The following RP1 variants were observed in gnomAD, a reference collection of about 807,000 sequenced individuals.
RP1 encodes RP1 axonemal microtubule associated, also known as oxygen-regulated protein 1.
In RP1, 16 loss-of-function variants were observed where a neutral mutation model predicts 14.8. The ratio of observed to expected loss-of-function variants is 1.08; its 90% CI spans 0.73 to 1.65. The LOEUF (loss-of-function observed/expected upper bound fraction) is 1.65. Among genes scored for constraint, RP1 ranks in the 40% most tolerant of loss-of-function variants. The pLI, the probability that RP1 is intolerant of heterozygous loss-of-function variation, is 0.00. For synonymous variants in RP1, 876 were observed against 883.6 expected (o/e 0.99, Z 0.15); for missense variants, 2,631 against 2,535.0 (o/e 1.04, Z -0.81).
At chr8:54,739,135 C>A in intron 19 of RP1, 1 of 673,594 alleles carries the variant, frequency 1.5e-6, no homozygotes, top group South Asian at 2.7e-5. Flanking sequence ...ACAGATGCTC[C>A]TTGACTTACA....
intron 18 of RP1, chr8:54,738,884 T>A (rs1471820906): frequency 2.6e-6 from 3 of 1,155,358 alleles, no homozygotes; most frequent in Non-Finnish European, 3.5e-6. Context: ...GAAAGAATTT[T>A]TTAATGTGCT....
chr8:54,622,907 A>G (rs921767797), intron 3 of RP1, among the ~76,000 whole-genome samples: 5 of 152,230 alleles, frequency 3.3e-5, no homozygotes, highest in African/African-American at 1.2e-4. Flanking sequence ...GGGATGTGGG[A>G]TAAGCTGTAA....
At chr8:54,684,485 C>T (rs1807510231) in intron 12 of RP1, among the ~76,000 whole-genome samples, 1 of 152,122 alleles carries the variant, frequency 6.6e-6, no homozygotes, top group Non-Finnish European at 1.5e-5. Flanking sequence ...GCCTCAATTT[C>T]AGAACTCCTT....
intron 28 of RP1, chr8:54,865,959 G>T: frequency 2.2e-6 from 2 of 892,270 alleles, no homozygotes; most frequent in South Asian, 5.7e-5. Flanking sequence ...TGCTCTCTTT[G>T]TCCAATTTAT....
At chr8:54,638,453 AC>A (rs1481633228) in intron 3 of RP1, among the ~76,000 whole-genome samples, 17 of 147,054 alleles carry the variant, frequency 1.2e-4, no homozygotes, top group African/African-American at 3.2e-4. Context: ...AAAAAAAAAA[AC>A]ATACCGTTAT....
In RP1 at chr8:54,759,684, A is replaced by G. The variant is rs138000150; in HGVS notation, c.3248+608A>G. Reference sequence around the variant, plus strand: ...TAAGAAAGTGTCACCTGTTTTTCCAAGAAGAAGCCTGGTTCTCTAGATCTT... The same window carrying G: ...TAAGAAAGTGTCACCTGTTTTTCCAGGAAGAAGCCTGGTTCTCTAGATCTT... On this transcript the variant is annotated intron_variant, in intron 22 of 22. Transcript: ENST00000636932. Among the ~76,000 whole-genome samples the G allele has an allele frequency of 2.2e-3, 328 of 152,258 alleles. 2 individuals carry two copies. Among genetic ancestry groups the G allele is most frequent in the African/African-American group, 5.6e-3 (233 of 41,542 alleles).
At chr8:54,714,369 T>C (rs1233633152) in intron 15 of RP1, among the ~76,000 whole-genome samples, 1 of 152,188 alleles carries the variant, frequency 6.6e-6, no homozygotes, top group African/African-American at 2.4e-5. Flanking sequence ...GCAGCCAGAC[T>C]CCAGACCTTT....
At chr8:54,675,663 T>A (rs1308632809) in intron 8 of RP1, among the ~76,000 whole-genome samples, 6 of 152,088 alleles carry the variant, frequency 3.9e-5, no homozygotes, top group African/African-American at 1.2e-4. Context: ...TAAAAAAAAA[T>A]TAGTCATTTA....
chr8:54,771,841 G>C (rs1385977936), downstream of RP1, among the ~76,000 whole-genome samples: 1 of 152,076 alleles, frequency 6.6e-6, no homozygotes, highest in East Asian at 1.9e-4. Context: ...CTAATCTATT[G>C]AGGCAGTGTT....
At chr8:54,751,498 A>G (rs967923666) in intron 19 of RP1, among the ~76,000 whole-genome samples, 2 of 152,240 alleles carry the variant, frequency 1.3e-5, no homozygotes, top group Non-Finnish European at 2.9e-5. Flanking sequence ...CCACCAAAAA[A>G]TGAGGTAAAA....
intron 3 of RP1, among the ~76,000 whole-genome samples, chr8:54,636,042 C>T (rs1806339768): frequency 6.6e-6 from 1 of 152,192 alleles, no homozygotes; most frequent in Admixed American, 6.5e-5. Context: ...TGTTGGCACC[C>T]CTAACCTTTC....
At chr8:54,595,496 A>C (rs915513233) in intron 1 of RP1, among the ~76,000 whole-genome samples, 13 of 152,144 alleles carry the variant, frequency 8.5e-5, no homozygotes, top group African/African-American at 3.1e-4. Flanking sequence ...TCCCTGTGTC[A>C]TCTCCTCTTA....
chr8:54,727,641 A>G (rs1808689962), intron 17 of RP1, among the ~76,000 whole-genome samples: 1 of 152,138 alleles, frequency 6.6e-6, no homozygotes, highest in Non-Finnish European at 1.5e-5. Flanking sequence ...ATTAGGCTTC[A>G]TGATAAACAT....
intron 27 of RP1, among the ~76,000 whole-genome samples, chr8:54,857,755 A>T (rs910254000): frequency 6.6e-6 from 1 of 152,016 alleles, no homozygotes; most frequent in Non-Finnish European, 1.5e-5. Context: ...CACACTCTTC[A>T]GCAAACGCGC....
chr8:54,660,187 A>T lies in RP1; in HGVS notation c.1172-3512A>T, dbSNP rs185631710. ...TCTTTTATTTGTTTTTCTTGTTTTA[A>T]TTGCAATACCTAGAACTTTCAGTCA... On this transcript the variant is annotated intron_variant, in intron 6 of 22. Transcript: ENST00000636932. Among the ~76,000 whole-genome samples, 5 of 152,122 alleles carry T rather than the reference A, an allele frequency of 3.3e-5. No homozygotes were observed. The East Asian group carries it at 9.7e-4, about 29-fold the overall frequency.
chr8:54,649,089 A>G (rs1484004993), exon 4 of RP1: 14 of 1,530,486 alleles, frequency 9.1e-6, no homozygotes, highest in South Asian at 2.4e-5. Context: ...TTCAGCCCCC[A>G]TATATCTTTA....
intron 24 of RP1, among the ~76,000 whole-genome samples, chr8:54,791,686 G>A (rs544112453): frequency 7.6e-4 from 115 of 151,862 alleles, no homozygotes; most frequent in African/African-American, 2.7e-3. Context: ...CAAGTCTTAT[G>A]GTAACCACAA....
intron 17 of RP1, among the ~76,000 whole-genome samples, chr8:54,731,782 A>G (rs1433458964): frequency 1.3e-5 from 2 of 152,132 alleles, no homozygotes; most frequent in Admixed American, 1.3e-4. Context: ...TCATGCACGG[A>G]CATGGAAAAA....
intron 19 of RP1, among the ~76,000 whole-genome samples, chr8:54,739,625 G>A (rs539190716): frequency 9.2e-5 from 14 of 151,838 alleles, no homozygotes; most frequent in African/African-American, 3.1e-4. Flanking sequence ...ACTCGGTGGT[G>A]CATTTTTTTT....
Sources: allele counts gnomAD v4.1 joint callset (sites outside exome capture counted in the v4.1 genomes callset), GRCh38; gene constraint gnomAD v4.1.1; transcripts MANE v1.5; gene names NCBI Gene and HGNC (gene_info 2026-07-23, HGNC 2026-07-21).